Variants in RHCE observed in about 807,000 individuals in gnomAD.
RHCE encodes blood group Rh(CE) polypeptide.
A neutral mutation model predicts 43.8 loss-of-function variants in RHCE; 22 were observed. That is an observed-to-expected ratio of 0.50 (90% CI 0.36 to 0.72). RHCE has a LOEUF of 0.72. Among genes scored for constraint, RHCE ranks in the 30% least tolerant of loss-of-function variants. RHCE has a pLI of 0.00. For missense variants in RHCE, 385 were observed against 525.4 expected, an observed-to-expected ratio of 0.73 and a Z score of 2.61; for synonymous variants, 156 against 210.7, an observed-to-expected ratio of 0.74 and a Z score of 2.25.
At chr1:25,410,589 C>T (rs1183224094) in intron 1 of RHCE, among the ~76,000 whole-genome samples, 4 of 151,662 alleles carry the variant, frequency 2.6e-5, no homozygotes, top group South Asian at 2.1e-4. Flanking sequence ...CGCACCACCA[C>T]GCCTGGCTAA....
chr1:25,416,994 T>C (rs1647570911), intron 1 of RHCE, among the ~76,000 whole-genome samples: 1 of 151,828 alleles, frequency 6.6e-6, no homozygotes, highest in Non-Finnish European at 1.5e-5. Flanking sequence ...TGACCCTACG[T>C]GCCCATCTCC....
chr1:25,410,714 C>T (rs1333112868), intron 1 of RHCE, among the ~76,000 whole-genome samples: 3 of 152,044 alleles, frequency 2.0e-5, no homozygotes, highest in African/African-American at 4.8e-5. Context: ...CAATGTTTTT[C>T]GAAAAGGTGG....
chr1:25,374,339 C>A (rs568695699), intron 8 of RHCE, among the ~76,000 whole-genome samples: 1 of 152,022 alleles, frequency 6.6e-6, no homozygotes, highest in African/African-American at 2.4e-5. Context: ...CTGCCCACTT[C>A]GGTCTCCCAA....
upstream of RHCE, among the ~76,000 whole-genome samples, chr1:25,425,346 G>A (rs1198842522): frequency 1.3e-5 from 2 of 152,210 alleles, no homozygotes; most frequent in African/African-American, 4.8e-5. Flanking sequence ...GCCTGTGAGT[G>A]TAGGCATCAT....
At chr1:25,392,266 G>T (rs890654137) in intron 3 of RHCE, 125 bp from the exon 4 acceptor site, 146 of 1,515,750 alleles carry the variant, frequency 9.6e-5, no homozygotes, top group Non-Finnish European at 1.3e-4. Flanking sequence ...CGAGACTGGT[G>T]TTCAGAGCTT....
At position 25,388,953 on chromosome 1, in the gene RHCE, G is replaced by A. The variant is rs750391459; in HGVS notation, c.939+23C>T. On this transcript the variant is annotated intron_variant, in intron 6 of 9. Coordinates refer to ENST00000294413, the MANE Select transcript of RHCE (RefSeq NM_020485.8). ...TGCTGGCCTTCAGCCAAAGCAGAGA[G>A]CATTAGTTGTCTAGTTTCTTACCGG... The A allele has an allele frequency of 9.9e-6, 16 of 1,614,244 alleles. No individual in the cohort carries two copies. In the East Asian group the frequency reaches 1.1e-4, roughly 11 times the overall value.
chr1:25,429,218 G>A (rs2042829224), intron 1 of RHCE, among the ~76,000 whole-genome samples: 2 of 130,592 alleles, frequency 1.5e-5, no homozygotes, highest in South Asian at 2.2e-4. Context: ...TACTTCCTGG[G>A]AAGTTTTTTT....
rs560132957 is a variant in RHCE at position 25,408,385 on chromosome 1, A to G, written c.335+298T>C. Among the ~76,000 whole-genome samples, 17 of 123,300 alleles carry G rather than the reference A, an allele frequency of 1.4e-4. 5 individuals are homozygous for G. Among genetic ancestry groups the G allele is most frequent in the Admixed American group, 1.1e-3 (13 of 11,412 alleles). The allele number at this position is 123,300 out of a possible 152,430, so 80.9% of individuals were successfully genotyped here. On this transcript the variant is annotated intron_variant, in intron 2 of 9. Transcript: ENST00000294413. The stretch of plus-strand genomic sequence containing the variant: ...CTTCTTACGTTTTCCATAAACTTAT[A>G]CTGATTATGTAACTTTACAAAATCA...
intron 7 of RHCE, among the ~76,000 whole-genome samples, chr1:25,384,742 C>T (rs960951322): frequency 6.6e-6 from 1 of 152,220 alleles, no homozygotes; most frequent in African/African-American, 2.4e-5. Context: ...AACACATCAG[C>T]TCCTCATCAC....
upstream of RHCE, among the ~76,000 whole-genome samples, chr1:25,421,717 G>C (rs2042762402): frequency 1.3e-5 from 2 of 152,196 alleles, no homozygotes; most frequent in Admixed American, 1.3e-4. Context: ...CTGGCAGAAG[G>C]TCTGGTACAT....
intron 1 of RHCE, among the ~76,000 whole-genome samples, chr1:25,414,332 A>G (rs759948776): frequency 1.3e-5 from 2 of 151,940 alleles, no homozygotes; most frequent in African/African-American, 2.4e-5. Context: ...CAGAAACTTC[A>G]GCACCAAGAG....
chr1:25,392,562 CTTTTTT>C (rs1211993147), intron 3 of RHCE, among the ~76,000 whole-genome samples: 1 of 66,384 alleles, frequency 1.5e-5, no homozygotes, highest in Non-Finnish European at 2.7e-5. Context: ...TGCCCGGCCT[CTTTTTT>C]TTTTTTTTTT....
intron 7 of RHCE, among the ~76,000 whole-genome samples, chr1:25,379,477 A>G (rs1466709307): frequency 7.4e-5 from 1 of 13,460 alleles, no homozygotes; most frequent in African/African-American, 2.2e-4. Context: ...ATATATATAT[A>G]TATATATATA....
chr1:25,400,698 C>T (rs568550264), intron 3 of RHCE, among the ~76,000 whole-genome samples: 34 of 151,728 alleles, frequency 2.2e-4, no homozygotes, highest in African/African-American at 7.8e-4. Context: ...ATGTTTCATA[C>T]ACATCTCTAC....
chr1:25,371,278 C>T (rs1270662130), intron 8 of RHCE, among the ~76,000 whole-genome samples: 1 of 151,508 alleles, frequency 6.6e-6, no homozygotes, highest in Non-Finnish European at 1.5e-5. Flanking sequence ...CTGGGAACCT[C>T]AGCTTAAGAT....
rs143601584 is a variant in RHCE at position 25,374,198 on chromosome 1, C to A, written c.1153+1151G>T. On this transcript the variant is annotated intron_variant, in intron 8 of 9. Transcript: ENST00000294413. The stretch of plus-strand genomic sequence containing the variant: ...CTGCCTCCCGGGTTTAAGCAATTCT[C>A]CTGCCTCAGCCTCCCAAGTAGCTGG... Among the ~76,000 whole-genome samples the A allele has an allele frequency of 9.1e-3, 1,383 of 151,352 alleles. 25 individuals are homozygous for A. Among genetic ancestry groups the A allele is most frequent in the African/African-American group, 0.031 (1,278 of 40,942 alleles).
At chr1:25,393,741 C>T (rs1320775985) in intron 3 of RHCE, among the ~76,000 whole-genome samples, 1 of 152,050 alleles carries the variant, frequency 6.6e-6, no homozygotes, top group Non-Finnish European at 1.5e-5. Flanking sequence ...GCAGGATCCA[C>T]TCTCACCTGA....
intron 2 of RHCE, among the ~76,000 whole-genome samples, chr1:25,428,389 A>T (rs1010268426): frequency 2.0e-5 from 3 of 152,156 alleles, no homozygotes; most frequent in Non-Finnish European, 4.4e-5. Flanking sequence ...TCCTCAGTGA[A>T]CCAATCTGCC....
chr1:25,425,076 C>A (rs1020013470), upstream of RHCE, among the ~76,000 whole-genome samples: 1 of 152,148 alleles, frequency 6.6e-6, no homozygotes, highest in African/African-American at 2.4e-5. Flanking sequence ...CTTGGCCTCG[C>A]AAAGTACTGG....
Sources: allele counts gnomAD v4.1 joint callset (sites outside exome capture counted in the v4.1 genomes callset), GRCh38; gene constraint gnomAD v4.1.1; transcripts MANE v1.5; gene names NCBI Gene and HGNC (gene_info 2026-07-23, HGNC 2026-07-21).